The following RAD54L variants were observed in gnomAD, a reference collection of about 807,000 sequenced individuals.
The protein encoded by RAD54L is DNA repair and recombination protein RAD54-like.
RAD54L carries 74 observed loss-of-function variants against 91.6 expected under a neutral mutation model. The observed-to-expected ratio is 0.81, with a 90% confidence interval of 0.67 to 0.98. The LOEUF (loss-of-function observed/expected upper bound fraction) is 0.98. Ranked by LOEUF, RAD54L falls within the 50% of genes least tolerant of loss-of-function variation. The pLI is 0.00. For synonymous variants in RAD54L, 304 were observed against 349.7 expected (o/e 0.87, Z 1.46); for missense variants, 887 against 945.7 (o/e 0.94, Z 0.81).
rs1444704670 is a variant in RAD54L, at chr1:46,261,413, T to C, written c.891+28T>C. 1.9e-6 allele frequency: 3 copies of C among 1,613,694 alleles called. No homozygotes were observed. The South Asian group carries it at 3.3e-5, about 18-fold the overall frequency. Reference sequence around the variant, plus strand: ...ACTTGACTCTCAGCAGTCTGGGTGGTAGGAGAAAATCTGTCAAAATCTCTT... The same window carrying C: ...ACTTGACTCTCAGCAGTCTGGGTGGCAGGAGAAAATCTGTCAAAATCTCTT... On this transcript the variant is annotated intron_variant, in intron 8 of 17. Coordinates refer to ENST00000371975, the MANE Select transcript of RAD54L (RefSeq NM_003579.4).
intron 3 of RAD54L, among the ~76,000 whole-genome samples, chr1:46,250,597 A>G (rs554427526): frequency 1.3e-5 from 2 of 152,274 alleles, no homozygotes; most frequent in Admixed American, 6.5e-5. Flanking sequence ...AAGCTTTTCC[A>G]CTAAGCTTTA....
chr1:46,267,275 G>T (rs1235075399), intron 8 of RAD54L, among the ~76,000 whole-genome samples, 184 bp from the exon 9 acceptor site: 2 of 152,176 alleles, frequency 1.3e-5, no homozygotes, highest in East Asian at 3.8e-4. Context: ...CACTGGCCAG[G>T]CTGGTCTGGA....
intron 3 of RAD54L, among the ~76,000 whole-genome samples, chr1:46,256,680 A>C (rs1405171428): frequency 6.6e-6 from 1 of 151,974 alleles, no homozygotes; most frequent in East Asian, 1.9e-4. Context: ...GATGCAAAGA[A>C]ATTTGCAAAT....
chr1:46,267,043 C>T (rs776917279), intron 8 of RAD54L, among the ~76,000 whole-genome samples: 11 of 152,150 alleles, frequency 7.2e-5, no homozygotes, highest in Non-Finnish European at 1.6e-4. Context: ...TTTGTTGAGA[C>T]AGTTTCTCAC....
At chr1:46,273,806 CT>C in intron 14 of RAD54L, 59 bp downstream of exon 14, 1 of 1,555,274 alleles carries the variant, frequency 6.4e-7, no homozygotes, top group Admixed American at 1.9e-5. Flanking sequence ...TACTGTCTGT[CT>C]AGTTCTGATT....
intron 10 of RAD54L, 73 bp from the exon 11 acceptor site, chr1:46,272,393 G>A: frequency 7.6e-7 from 1 of 1,309,300 alleles, no homozygotes; most frequent in Non-Finnish European, 1.1e-6. Context: ...GGTCCTTTGG[G>A]TGGTAGCTTT....
chr1:46,260,485 G>A, intron 5 of RAD54L, 57 bp from the exon 6 acceptor site: 1 of 1,533,196 alleles, frequency 6.5e-7, no homozygotes, highest in Non-Finnish European at 9.0e-7. Flanking sequence ...ACAGCTTCCT[G>A]AGGGTGCTCC....
rs779384451 is a variant in RAD54L at position 46,270,801 on chromosome 1, G to A, written c.1169+16G>A. The A allele has an allele frequency of 1.2e-5, 20 of 1,610,760 alleles. No homozygotes were observed. Among genetic ancestry groups the A allele is most frequent in the Non-Finnish European group, 1.4e-5 (17 of 1,179,858 alleles). On this transcript the variant is annotated intron_variant, in intron 10 of 17. Transcript: ENST00000371975. ...TTGTGAATAGGTAATGACCTTAAGC[G>A]AAGTCATTAGAATTGCCTCCCAAAC...
At chr1:46,276,774 T>TTAAG (rs2148306008) in intron 16 of RAD54L, among the ~76,000 whole-genome samples, 1 of 152,342 alleles carries the variant, frequency 6.6e-6, no homozygotes, top group African/African-American at 2.4e-5. Flanking sequence ...GAAGACAAGA[T>TTAAG]TAAGGCCTTC....
rs1659706411 is a variant in RAD54L, at chr1:46,248,370, C to T, written c.-36C>T. 1.2e-6 allele frequency: 2 copies of T among 1,612,974 alleles called. No homozygotes were observed. Among genetic ancestry groups the T allele is most frequent in the African/African-American group, 1.3e-5 (1 of 74,986 alleles). On this transcript the variant is annotated 5_prime_UTR_variant, in exon 1 of 18. Transcript: ENST00000371975. Reference sequence around the variant, plus strand: ...CGCTGCCTGCTTTTGACCTTTGGCTCATGGGTACTTGACGTTTTAAACTCC... The same window carrying T: ...CGCTGCCTGCTTTTGACCTTTGGCTTATGGGTACTTGACGTTTTAAACTCC...
chr1:46,273,750 A>T lies in RAD54L; in HGVS notation c.1610+3A>T. ...GAGAAGCTGTGCCGTGCCCGAAGGT[A>T]GGGAAGATCCTAACCAGGATGCCAA... On this transcript the variant is annotated splice_donor_region_variant and intron_variant, in intron 14 of 17. Transcript: ENST00000371975. The T allele has an allele frequency of 6.2e-7, 1 of 1,602,674 alleles. No individual in the cohort carries two copies. The highest frequency in any genetic ancestry group is 8.5e-7 in the Non-Finnish European group (1 of 1,174,052).
At chr1:46,277,285 C>A (rs952329152) in intron 16 of RAD54L, among the ~76,000 whole-genome samples, 23 of 152,206 alleles carry the variant, frequency 1.5e-4, no homozygotes, top group African/African-American at 5.3e-4. Flanking sequence ...AGATTGAGCT[C>A]AAGGATAGAG....
chr1:46,272,517 G>T lies in RAD54L; in HGVS notation c.1221G>T (p.Lys407Asn), dbSNP rs773104639. 6.2e-7 allele frequency: 1 copy of T among 1,612,756 alleles called. No homozygotes were observed. The highest frequency in any genetic ancestry group is 1.1e-5 in the South Asian group (1 of 91,054). The change falls in exon 11 of 18, where the codon AAG (lysine) becomes AAT (asparagine). Residue 407 changes from lysine to asparagine, a missense_variant. Lys to Asn is a moderately conservative substitution (Grantham distance 94, BLOSUM62 0). Transcript: ENST00000371975. ...SDILSKYLPV[K>N]IEQVVCCRLT... ...TCCTTTCTAAATATCTGCCTGTGAA[G>T]ATTGAGCAGGTCGTTTGTTGTAGGT...
intron 2 of RAD54L, 41 bp downstream of exon 2, chr1:46,248,639 T>A: frequency 1.0e-5 from 16 of 1,591,804 alleles, no homozygotes; most frequent in Non-Finnish European, 1.4e-5. Context: ...TAGAGCTGTT[T>A]GGACAGAAAA....
intron 10 of RAD54L, 58 bp from the exon 11 acceptor site, chr1:46,272,408 C>T (rs1330469402): frequency 2.1e-6 from 3 of 1,417,348 alleles, no homozygotes; most frequent in Non-Finnish European, 3.0e-6. Flanking sequence ...AGCTTTTATT[C>T]CAGTAGTTAG....
Position 46,250,778 on chromosome 1 carries a change from C to T in RAD54L, c.210+659C>T, listed in dbSNP as rs142946001. ...TCAACTGAGGTTAGGAGTTTGAGACCAGCCTGGCCAACATGGTGAAACCCC... is the reference window on the plus strand; with the variant it reads ...TCAACTGAGGTTAGGAGTTTGAGACTAGCCTGGCCAACATGGTGAAACCCC... On this transcript the variant is annotated intron_variant, in intron 3 of 17. Transcript: ENST00000371975. Among the ~76,000 whole-genome samples, 10 of 152,084 alleles carry T rather than the reference C, an allele frequency of 6.6e-5. No individual in the cohort carries two copies. In the East Asian group the frequency reaches 1.9e-3, roughly 29 times the overall value.
intron 3 of RAD54L, among the ~76,000 whole-genome samples, chr1:46,252,368 T>G (rs945180455): frequency 1.3e-5 from 2 of 152,066 alleles, no homozygotes; most frequent in African/African-American, 4.8e-5. Flanking sequence ...ATAGAATATT[T>G]GTTGGATGGG....
chr1:46,273,043 G>T (rs542998079), intron 12 of RAD54L, among the ~76,000 whole-genome samples: 1 of 152,280 alleles, frequency 6.6e-6, no homozygotes, highest in East Asian at 1.9e-4. Flanking sequence ...GGGATGTGTC[G>T]ACTGTTTGTG....
At position 46,258,641 on chromosome 1, in the gene RAD54L, A is replaced by G; in HGVS notation, c.211-45A>G. The G allele has an allele frequency of 5.7e-6, 8 of 1,401,000 alleles. No individual in the cohort carries two copies. The South Asian group carries it at 8.1e-5, about 14-fold the overall frequency. 86.8% of individuals were successfully genotyped at this position (1,401,000 alleles called of 1,614,324 possible). A position where few individuals can be genotyped will look rare whatever the true frequency, so the allele number is the denominator to read the frequency against. ...AAGCATATCATGATATTGTCCCATA[A>G]CATCTCCAGTCAGTCCTGAATCCTT... is the stretch of plus-strand genomic sequence containing the variant. On this transcript the variant is annotated intron_variant, in intron 3 of 17. Coordinates refer to ENST00000371975, the MANE Select transcript of RAD54L (RefSeq NM_003579.4).
Sources: gnomAD v4.1 joint callset for allele counts (sites outside exome capture counted in the v4.1 genomes callset) on GRCh38, gnomAD v4.1.1 for gene constraint, MANE v1.5 for transcripts, NCBI Gene and HGNC (gene_info 2026-07-23, HGNC 2026-07-21) for gene names.